Variants in ATG7 observed in about 807,000 individuals in gnomAD.
ATG7 encodes the protein autophagy related 7, also known as ubiquitin-like modifier-activating enzyme ATG7.
A neutral mutation model predicts 82.4 loss-of-function variants in ATG7; 70 were observed. The observed-to-expected ratio is 0.85, with a 90% confidence interval of 0.70 to 1.04. ATG7 has a LOEUF of 1.04. Ranked by LOEUF, ATG7 falls within the 50% of genes least tolerant of loss-of-function variation. The pLI is 0.00. For missense variants in ATG7, 792 were observed against 864.3 expected, an observed-to-expected ratio of 0.92 and a Z score of 1.05; for synonymous variants, 287 against 313.0, an observed-to-expected ratio of 0.92 and a Z score of 0.88.
intron 3 of ATG7, among the ~76,000 whole-genome samples, chr3:11,286,909 T>A (rs1465014937): frequency 2.0e-5 from 3 of 149,096 alleles, no homozygotes; most frequent in Non-Finnish European, 4.5e-5. Context: ...CCAACCTTTT[T>A]TTATTATTAT....
intron 20 of ATG7, among the ~76,000 whole-genome samples, chr3:11,439,073 T>C (rs866868278): frequency 6.2e-5 from 9 of 144,888 alleles, no homozygotes; most frequent in African/African-American, 2.0e-4. Context: ...TTCTTTCTTT[T>C]TTTTTTTTTT....
chr3:11,546,266 G>A (rs1392271057), intron 20 of ATG7, among the ~76,000 whole-genome samples: 4 of 147,262 alleles, frequency 2.7e-5, no homozygotes, highest in African/African-American at 5.1e-5. Flanking sequence ...CTTCCTTCCG[G>A]GTTCAAGCAA....
At chr3:11,362,745 A>C (rs897902907) in intron 16 of ATG7, 68 bp from the exon 17 acceptor site, 4 of 1,314,322 alleles carry the variant, frequency 3.0e-6, no homozygotes, top group Admixed American at 4.2e-5. Context: ...AGAGGATTTC[A>C]TACTTGAGAC....
chr3:11,438,037 A>G (rs1214502988), intron 20 of ATG7, among the ~76,000 whole-genome samples: 1 of 152,246 alleles, frequency 6.6e-6, no homozygotes, highest in Non-Finnish European at 1.5e-5. Context: ...AGCACTGGTC[A>G]TACATACCAA....
chr3:11,296,795 A>T (rs879348805), intron 3 of ATG7, among the ~76,000 whole-genome samples: 12 of 150,602 alleles, frequency 8.0e-5, no homozygotes, highest in Admixed American at 5.3e-4. Flanking sequence ...CCCACCCCTT[A>T]CCCATCCTTT....
intron 19 of ATG7, among the ~76,000 whole-genome samples, chr3:11,387,927 G>A (rs551293187): frequency 1.6e-4 from 25 of 152,254 alleles, no homozygotes; most frequent in South Asian, 6.2e-4. Flanking sequence ...CCAAGATCAC[G>A]CCACTGCACT....
At chr3:11,475,951 A>G (rs2088160690) in intron 20 of ATG7, among the ~76,000 whole-genome samples, 1 of 150,592 alleles carries the variant, frequency 6.6e-6, no homozygotes, top group South Asian at 2.1e-4. Flanking sequence ...CTAACAGTGC[A>G]GTTGTCCTGT....
At chr3:11,325,905 G>T (rs1463707783) in intron 9 of ATG7, among the ~76,000 whole-genome samples, 1 of 152,022 alleles carries the variant, frequency 6.6e-6, no homozygotes, top group Non-Finnish European at 1.5e-5. Context: ...TGTGTTTTTT[G>T]TTGTTGTTTT....
chr3:11,277,070 G>C (rs981674240), intron 1 of ATG7: 1 of 152,160 alleles, frequency 6.6e-6, no homozygotes, highest in Non-Finnish European at 1.5e-5. Flanking sequence ...TCCAAGTCCA[G>C]GTAGTCATCA....
intron 20 of ATG7, among the ~76,000 whole-genome samples, chr3:11,440,295 G>C (rs148234585): frequency 6.0e-5 from 9 of 148,884 alleles, no homozygotes; most frequent in African/African-American, 1.7e-4. Context: ...GCAGGTAAGA[G>C]ATAAGTCCTT....
chr3:11,393,556 A>G (rs2078983824), intron 19 of ATG7, among the ~76,000 whole-genome samples: 1 of 152,212 alleles, frequency 6.6e-6, no homozygotes. Context: ...GTTGCCAGCC[A>G]TTCATGAGTG....
intron 20 of ATG7, chr3:11,476,999 T>TTTTTTCCG: frequency 1.1e-6 from 1 of 946,070 alleles, no homozygotes; most frequent in South Asian, 1.4e-5. Context: ...CCCTCTTTAT[T>TTTTTTCCG]ACAGTGTTTT....
chr3:11,371,440 G>A lies in ATG7; in HGVS notation c.1875+6706G>A, dbSNP rs529988423. 1.3e-4 allele frequency among the ~76,000 whole-genome samples: 20 copies of A among 151,066 alleles called. 1 individual carries two copies. The highest frequency in any genetic ancestry group is 6.3e-4 in the South Asian group (3 of 4,760). Reference sequence around the variant, plus strand: ...CTTCAACCCGGGGCCCTGGGAGGCCGTTGAACGCTGAGGTGTGATATGAGT... The same window carrying A: ...CTTCAACCCGGGGCCCTGGGAGGCCATTGAACGCTGAGGTGTGATATGAGT... On this transcript the variant is annotated intron_variant, in intron 18 of 20. Transcript: ENST00000693202.
chr3:11,374,430 C>T (rs1238763988), intron 18 of ATG7, among the ~76,000 whole-genome samples: 1 of 152,154 alleles, frequency 6.6e-6, no homozygotes, highest in Non-Finnish European at 1.5e-5. Context: ...AAAAAATTAA[C>T]TCAAAATAGA....
intron 20 of ATG7, among the ~76,000 whole-genome samples, chr3:11,435,642 T>C (rs1465572917): frequency 1.3e-5 from 2 of 152,176 alleles, no homozygotes; most frequent in African/African-American, 4.8e-5. Context: ...AAGACTGCCA[T>C]GTTCCTCTGT....
intron 18 of ATG7, among the ~76,000 whole-genome samples, chr3:11,371,130 T>C (rs7635838): frequency 0.53 from 79,596 of 150,718 alleles, 23,066 homozygotes; most frequent in East Asian, 0.69. Context: ...CAGTAAATTT[T>C]AGTGCTCTCC....
At chr3:11,544,360 C>A (rs529391676) in intron 20 of ATG7, among the ~76,000 whole-genome samples, 2 of 152,332 alleles carry the variant, frequency 1.3e-5, no homozygotes, top group East Asian at 3.9e-4. Context: ...CCGTGAGGCC[C>A]CCCATCTGCA....
At chr3:11,310,345 C>G (rs1948451822) in intron 7 of ATG7, among the ~76,000 whole-genome samples, 2 of 152,070 alleles carry the variant, frequency 1.3e-5, no homozygotes, top group Admixed American at 1.3e-4. Flanking sequence ...GACATTAATC[C>G]TCTTTCCCAC....
At chr3:11,440,126 C>A (rs2083744888) in intron 20 of ATG7, among the ~76,000 whole-genome samples, 2 of 152,284 alleles carry the variant, frequency 1.3e-5, no homozygotes, top group East Asian at 1.9e-4. Context: ...TGTGTCCTTA[C>A]AACTACTTCT....
Sources: allele counts gnomAD v4.1 joint callset (sites outside exome capture counted in the v4.1 genomes callset), GRCh38; gene constraint gnomAD v4.1.1; transcripts MANE v1.5; gene names NCBI Gene and HGNC (gene_info 2026-07-23, HGNC 2026-07-21).